ELMO1: variants seen among roughly 807,000 people sequenced by gnomAD.
ELMO1 encodes the protein engulfment and cell motility 1, also known as engulfment and cell motility protein 1.
Under a neutral mutation model 98.9 loss-of-function variants are expected in ELMO1, and 26 were observed. The ratio of observed to expected loss-of-function variants is 0.26; its 90% CI spans 0.19 to 0.36. The LOEUF (loss-of-function observed/expected upper bound fraction) is 0.36. ELMO1 is among the 10% of genes least tolerant of loss of function. The probability of loss-of-function intolerance (pLI) is 1.00; values close to 1 mark genes in which losing one functional copy is unlikely to be tolerated. For synonymous variants in ELMO1, 346 were observed against 346.0 expected (o/e 1.00, Z 0.00); for missense variants, 627 against 935.2 (o/e 0.67, Z 4.30).
intron 4 of ELMO1, among the ~76,000 whole-genome samples, chr7:37,282,582 A>G (rs1797196453): frequency 6.6e-6 from 1 of 151,962 alleles, no homozygotes. Context: ...AAGGAAGCAT[A>G]TTAGAAATAC....
chr7:37,415,138 T>G (rs1804159307), intron 1 of ELMO1, among the ~76,000 whole-genome samples: 1 of 152,234 alleles, frequency 6.6e-6, no homozygotes, highest in Admixed American at 6.5e-5. Flanking sequence ...ACAAAGCCTG[T>G]TAATTTTTAA....
At chr7:37,258,368 G>T (rs564716475) in intron 6 of ELMO1, among the ~76,000 whole-genome samples, 1 of 152,154 alleles carries the variant, frequency 6.6e-6, no homozygotes, top group Non-Finnish European at 1.5e-5. Flanking sequence ...TTGAACCCAG[G>T]AGGTGGAGGT....
intron 1 of ELMO1, among the ~76,000 whole-genome samples, chr7:37,350,268 T>C (rs182381134): frequency 6.6e-6 from 1 of 152,346 alleles, no homozygotes; most frequent in African/African-American, 2.4e-5. Context: ...AGTATTTCAT[T>C]TTCTGTACAC....
At chr7:37,033,272 T>G (rs1794980335) in intron 15 of ELMO1, 2 of 410,054 alleles carry the variant, frequency 4.9e-6, no homozygotes, top group Middle Eastern at 3.6e-4. Flanking sequence ...TGTTCCCCCT[T>G]CCAGGGGATC....
chr7:37,236,270 T>C (rs1289455897), intron 7 of ELMO1, among the ~76,000 whole-genome samples: 2 of 152,198 alleles, frequency 1.3e-5, no homozygotes, highest in Non-Finnish European at 2.9e-5. Context: ...AAAAGTATCA[T>C]TTGGTTTCCA....
intron 1 of ELMO1, among the ~76,000 whole-genome samples, chr7:37,380,347 G>A (rs1254648105): frequency 6.6e-6 from 1 of 152,102 alleles, no homozygotes; most frequent in East Asian, 1.9e-4. Context: ...TGTTGGTTTT[G>A]TTTATCACTG....
chr7:37,415,416 T>C (rs1804171251), intron 1 of ELMO1, among the ~76,000 whole-genome samples: 1 of 152,216 alleles, frequency 6.6e-6, no homozygotes, highest in South Asian at 2.1e-4. Context: ...AAGAGCATAG[T>C]TCCAGAGTCA....
At chr7:36,889,585 T>C (rs1173649406) in intron 17 of ELMO1, among the ~76,000 whole-genome samples, 1 of 152,184 alleles carries the variant, frequency 6.6e-6, no homozygotes, top group African/African-American at 2.4e-5. Flanking sequence ...TGTATTTAAA[T>C]AACAGTTTCA....
At chr7:37,283,851 G>A (rs558185818) in intron 4 of ELMO1, among the ~76,000 whole-genome samples, 1 of 152,352 alleles carries the variant, frequency 6.6e-6, no homozygotes, top group African/African-American at 2.4e-5. Flanking sequence ...CGTAGGTTGT[G>A]ATGTCCCTGT....
intron 1 of ELMO1, among the ~76,000 whole-genome samples, chr7:37,397,004 C>A (rs1803326641): frequency 1.3e-5 from 2 of 152,132 alleles, no homozygotes; most frequent in Admixed American, 1.3e-4. Flanking sequence ...TACCTGTCTA[C>A]CTGATAGCTG....
At chr7:37,236,836 T>C (rs1794492461) in intron 7 of ELMO1, among the ~76,000 whole-genome samples, 1 of 152,164 alleles carries the variant, frequency 6.6e-6, no homozygotes, top group Non-Finnish European at 1.5e-5. Flanking sequence ...ACATAGGTGT[T>C]TATTTCCACT....
At chr7:37,229,734 A>T (rs1794066388) in intron 8 of ELMO1, among the ~76,000 whole-genome samples, 1 of 152,232 alleles carries the variant, frequency 6.6e-6, no homozygotes, top group Admixed American at 6.5e-5. Flanking sequence ...TAATTTTCTG[A>T]TGACTATTTT....
At chr7:37,238,003 T>A (rs939933651) in intron 7 of ELMO1, among the ~76,000 whole-genome samples, 3 of 152,208 alleles carry the variant, frequency 2.0e-5, no homozygotes, top group Non-Finnish European at 4.4e-5. Flanking sequence ...TGTTGATCAT[T>A]TTGGCTATTC....
chr7:37,020,794 G>T (rs77073901), intron 15 of ELMO1, among the ~76,000 whole-genome samples: 1 of 152,098 alleles, frequency 6.6e-6, no homozygotes, highest in Non-Finnish European at 1.5e-5. Flanking sequence ...AAAAACACAC[G>T]CACTGGCCTA....
intron 18 of ELMO1, among the ~76,000 whole-genome samples, chr7:36,886,154 T>C (rs574937770): frequency 2.0e-5 from 3 of 152,320 alleles, no homozygotes; most frequent in African/African-American, 7.2e-5. Context: ...AGTGGCTGAA[T>C]GGGAGGGAGG....
intron 1 of ELMO1, among the ~76,000 whole-genome samples, chr7:37,391,135 G>C (rs185379301): frequency 7.2e-5 from 10 of 139,080 alleles, no homozygotes; most frequent in Admixed American, 2.3e-4. Flanking sequence ...TTGTATTTTT[G>C]AGACAGAGTC....
chr7:36,875,367 TAC>T (rs756929494), intron 19 of ELMO1, among the ~76,000 whole-genome samples: 1 of 152,274 alleles, frequency 6.6e-6, no homozygotes, highest in East Asian at 1.9e-4. Flanking sequence ...GTCTTACTAG[TAC>T]ACACACACTC....
chr7:37,108,540 A>G, intron 14 of ELMO1, among the ~76,000 whole-genome samples: 1 of 152,244 alleles, frequency 6.6e-6, no homozygotes, highest in East Asian at 1.9e-4. Context: ...CACCGGGTAC[A>G]GGCTTCATTG....
intron 1 of ELMO1, among the ~76,000 whole-genome samples, chr7:37,384,763 A>C (rs2131397659): frequency 6.6e-6 from 1 of 152,292 alleles, no homozygotes; most frequent in East Asian, 1.9e-4. Context: ...TTTGTCAAGA[A>C]AACAGTAAGT....
Sources: allele counts gnomAD v4.1 joint callset (sites outside exome capture counted in the v4.1 genomes callset), GRCh38; gene constraint gnomAD v4.1.1; transcripts MANE v1.5; gene names NCBI Gene and HGNC (gene_info 2026-07-23, HGNC 2026-07-21).